MAP3K13: variants seen among roughly 807,000 people sequenced by gnomAD.
MAP3K13 encodes the protein leucine zipper-bearing kinase.
MAP3K13 carries 52 observed loss-of-function variants against 104.0 expected under a neutral mutation model. The ratio of observed to expected loss-of-function variants is 0.50; its 90% confidence interval spans 0.40 to 0.63. The LOEUF is 0.63. Among genes scored for constraint, MAP3K13 ranks in the 20% least tolerant of loss-of-function variants. The probability of loss-of-function intolerance (pLI) is 0.00; values close to 1 mark genes in which losing one functional copy is unlikely to be tolerated. For missense variants in MAP3K13, 914 were observed against 1,218.5 expected (o/e 0.75, Z 3.72); for synonymous variants, 394 against 442.2 (o/e 0.89, Z 1.37).
At chr3:185,386,739 T>A (rs1038882817) in intron 1 of MAP3K13, among the ~76,000 whole-genome samples, 5 of 152,222 alleles carry the variant, frequency 3.3e-5, no homozygotes, top group Non-Finnish European at 5.9e-5. Flanking sequence ...AATAAGATCA[T>A]GTTCTTTGCA....
chr3:185,455,694 T>TATATATGAG (rs1716622284), intron 7 of MAP3K13, among the ~76,000 whole-genome samples: 1 of 19,724 alleles, frequency 5.1e-5, no homozygotes, highest in African/African-American at 1.1e-4. Context: ...ATATATATGA[T>TATATATGAG]ATATATATGA....
Position 185,488,098 on chromosome 3 carries a change from A to G in MAP3K13, c.*5642A>G, listed in dbSNP as rs1045418662. On this transcript the variant is annotated 3_prime_UTR_variant, in exon 14 of 14. Coordinates refer to ENST00000265026, the MANE Select transcript of MAP3K13 (RefSeq NM_004721.5). ...CATCATTTAATTCTGTTGAATGAAT[A>G]TGTTCCTCCCTCACCTTTTATAAAC... 1 of 152,206 alleles carries G rather than the reference A, an allele frequency of 6.6e-6. No homozygotes were observed. The highest frequency in any genetic ancestry group is 2.4e-5 in the African/African-American group (1 of 41,454). 9.4% of individuals were successfully genotyped at this position (152,206 alleles called of 1,614,324 possible).
intron 2 of MAP3K13, among the ~76,000 whole-genome samples, chr3:185,321,447 T>C (rs960769919): frequency 6.6e-6 from 1 of 152,212 alleles, no homozygotes; most frequent in Non-Finnish European, 1.5e-5. Context: ...GGATACATAA[T>C]AAATGAGACT....
chr3:185,293,662 C>T (rs531222823), intron 2 of MAP3K13, among the ~76,000 whole-genome samples: 6 of 152,234 alleles, frequency 3.9e-5, no homozygotes, highest in East Asian at 1.9e-4. Flanking sequence ...TGAGCTCAAG[C>T]GATCCACCCG....
chr3:185,474,802 A>G (rs1718015779), intron 11 of MAP3K13, among the ~76,000 whole-genome samples: 2 of 152,098 alleles, frequency 1.3e-5, no homozygotes, highest in Non-Finnish European at 2.9e-5. Context: ...CCTTACTTTA[A>G]AGCCAGGCTC....
intron 1 of MAP3K13, among the ~76,000 whole-genome samples, chr3:185,384,321 T>TGTGC (rs1186564812): frequency 6.6e-6 from 1 of 151,884 alleles, no homozygotes; most frequent in Non-Finnish European, 1.5e-5. Context: ...TGTGTGTGTG[T>TGTGC]GTGTGTGTGT....
intron 2 of MAP3K13, among the ~76,000 whole-genome samples, chr3:185,429,854 A>T (rs1163550459): frequency 3.6e-4 from 55 of 152,206 alleles, no homozygotes; most frequent in Admixed American, 3.6e-3. Flanking sequence ...ATGACAAAAT[A>T]TCTAACCAAT....
At chr3:185,406,938 G>C (rs911692483) in intron 1 of MAP3K13, among the ~76,000 whole-genome samples, 1 of 152,144 alleles carries the variant, frequency 6.6e-6, no homozygotes, top group Non-Finnish European at 1.5e-5. Flanking sequence ...AGAAATCATA[G>C]AGTGGGGCTG....
intron 1 of MAP3K13, among the ~76,000 whole-genome samples, chr3:185,396,916 CAG>C (rs1712456611): frequency 6.6e-6 from 1 of 152,188 alleles, no homozygotes; most frequent in Non-Finnish European, 1.5e-5. Flanking sequence ...CCAAGGTGAA[CAG>C]TCCCTATTAG....
chr3:185,454,620 ATAT>A (rs1424911036), intron 7 of MAP3K13, among the ~76,000 whole-genome samples: 2 of 50,394 alleles, frequency 4.0e-5, no homozygotes, highest in African/African-American at 5.2e-5. Flanking sequence ...TATGATATAT[ATAT>A]GAGATATATA....
intron 1 of MAP3K13, among the ~76,000 whole-genome samples, chr3:185,382,208 G>T (rs1724757877): frequency 7.2e-6 from 1 of 139,024 alleles, no homozygotes; most frequent in African/African-American, 2.7e-5. Context: ...AATAGTAAGA[G>T]ATTAGCAACA....
At chr3:185,284,732 T>C (rs1031932658) in intron 1 of MAP3K13, among the ~76,000 whole-genome samples, 5 of 150,150 alleles carry the variant, frequency 3.3e-5, no homozygotes, top group Non-Finnish European at 5.9e-5. Flanking sequence ...TAAATAAATA[T>C]AAAATATAAA....
intron 1 of MAP3K13, among the ~76,000 whole-genome samples, chr3:185,400,970 G>A (rs1410410760): frequency 6.8e-6 from 1 of 147,136 alleles, no homozygotes; most frequent in East Asian, 2.0e-4. Flanking sequence ...TTATATTTGG[G>A]AAATAATCCA....
intron 7 of MAP3K13, among the ~76,000 whole-genome samples, chr3:185,463,020 C>T (rs891074497): frequency 4.6e-5 from 7 of 152,090 alleles, no homozygotes; most frequent in Non-Finnish European, 7.4e-5. Context: ...TCCAAATTCC[C>T]GTATAGCTTC....
rs199874263 is a variant in MAP3K13 at position 185,401,128 on chromosome 3, A to C, written c.-85-27369A>C. On this transcript the variant is annotated intron_variant, in intron 1 of 13. Coordinates refer to ENST00000265026, the MANE Select transcript of MAP3K13 (RefSeq NM_004721.5). ...GGTGAACACATCATCAGCAGTTTTC[A>C]TTTGATGGTAAATAATATCACCATT... is the stretch of plus-strand genomic sequence containing the variant. 1.8e-4 allele frequency among the ~76,000 whole-genome samples: 27 copies of C among 152,232 alleles called. No individual in the cohort carries two copies. The East Asian group carries it at 5.0e-3, about 28-fold the overall frequency.
At chr3:185,465,008 GTC>G (rs774149119) in intron 8 of MAP3K13, among the ~76,000 whole-genome samples, 1 of 152,078 alleles carries the variant, frequency 6.6e-6, no homozygotes, top group African/African-American at 2.4e-5. Context: ...TTTTGAGATA[GTC>G]TCTCTCTGTC....
chr3:185,345,211 TTTCTC>T (rs1276968428), intron 2 of MAP3K13, among the ~76,000 whole-genome samples: 2 of 150,446 alleles, frequency 1.3e-5, no homozygotes, highest in African/African-American at 5.0e-5. Context: ...ACTTTTCTGT[TTTCTC>T]TCAAAAAAGT....
At chr3:185,466,378 T>C (rs1717427826) in intron 9 of MAP3K13, among the ~76,000 whole-genome samples, 1 of 144,480 alleles carries the variant, frequency 6.9e-6, no homozygotes, top group Non-Finnish European at 1.5e-5. Flanking sequence ...CCTTTTTTTT[T>C]TTTTTTTTTT....
chr3:185,343,711 A>G (rs1722809971), intron 2 of MAP3K13, among the ~76,000 whole-genome samples: 1 of 152,308 alleles, frequency 6.6e-6, no homozygotes, highest in African/African-American at 2.4e-5. Context: ...TTGGCCTCCC[A>G]AAGTGCTGGG....
Sources: gnomAD v4.1 joint callset for allele counts (sites outside exome capture counted in the v4.1 genomes callset) on GRCh38, gnomAD v4.1.1 for gene constraint, MANE v1.5 for transcripts, NCBI Gene and HGNC (gene_info 2026-07-23, HGNC 2026-07-21) for gene names.